The following KRT79 variants were observed in gnomAD, a reference collection of about 807,000 sequenced individuals.
KRT79 encodes the protein keratin, type II cytoskeletal 79.
In KRT79, 51 loss-of-function variants were observed where a neutral mutation model predicts 49.0. The ratio of observed to expected loss-of-function variants is 1.04; its 90% CI spans 0.83 to 1.31. The LOEUF (loss-of-function observed/expected upper bound fraction) is 1.31. KRT79 is among the 40% of genes most tolerant of loss of function. The pLI is 0.00. For synonymous variants in KRT79, 312 were observed against 286.6 expected, an observed-to-expected ratio of 1.09 and a Z score of -0.90; for missense variants, 728 against 688.0, an observed-to-expected ratio of 1.06 and a Z score of -0.65.
chr12:52,826,062 A>G (rs1940170910), intron 4 of KRT79, among the ~76,000 whole-genome samples: 1 of 151,900 alleles, frequency 6.6e-6, no homozygotes, highest in Non-Finnish European at 1.5e-5. Context: ...CACCGAGATG[A>G]ACTGTCAGCA....
rs148263729 is a variant in KRT79, at chr12:52,821,952, C to T, written c.1528G>A (p.Val510Ile). The change falls in exon 9 of 9, where the codon GTC becomes ATC. Residue 510 changes from valine (V) to isoleucine (I), a missense_variant. Coordinates refer to ENST00000330553, the MANE Select transcript of KRT79 (RefSeq NM_175834.3). ...CCCGCAGAGACTGGCCCTCCCTTGA[C>T]GGTGCTATAGCCCACATTTGTGCTG... ...GFSTNVGYSTVKGGPVSAGTS... is the reference protein window; with the variant it reads ...GFSTNVGYSTIKGGPVSAGTS... 2.0e-4 allele frequency: 318 copies of T among 1,614,168 alleles called. No individual in the cohort carries two copies. The highest frequency in any genetic ancestry group is 2.5e-4 in the Non-Finnish European group (290 of 1,180,020).
At chr12:52,824,960 C>T (rs1206431240) in intron 4 of KRT79, among the ~76,000 whole-genome samples, 1 of 152,242 alleles carries the variant, frequency 6.6e-6, no homozygotes, top group Admixed American at 6.5e-5. Flanking sequence ...CTCTAGAGCA[C>T]ACTGAAAAGT....
intron 2 of KRT79, chr12:52,830,599 C>A: frequency 2.9e-6 from 1 of 349,984 alleles, no homozygotes. Context: ...GATGTGTCAA[C>A]AGTGGCTGAC....
At position 52,822,039 on chromosome 12, in the gene KRT79, C is replaced by A. The variant is rs199955846; in HGVS notation, c.1441G>T (p.Ala481Ser). 14 of 1,613,938 alleles carry A rather than the reference C, an allele frequency of 8.7e-6. No homozygotes were observed. The highest frequency in any genetic ancestry group is 1.0e-5 in the Non-Finnish European group (12 of 1,180,058). Residue 481 changes from alanine (A) to serine (S), a missense_variant, in exon 9 of 9, where the codon GCA becomes TCA. Transcript: ENST00000330553. ...GAGATGCCACCTCCAAAGCTGGCTG[C>A]GCCACCTCCGCACACAGTGGTGGAG... ...GNSTTVCGGG[A>S]ASFGGGISLG...
chr12:52,822,887 C>T, intron 7 of KRT79, 129 bp downstream of exon 7: 1 of 852,966 alleles, frequency 1.2e-6, no homozygotes, highest in East Asian at 2.7e-5. Context: ...GCAGATTTTC[C>T]CCCCGCGTGA....
chr12:52,823,402 TCAAGTAAGG>T (rs1940128644), intron 6 of KRT79, among the ~76,000 whole-genome samples, 166 bp from the exon 7 acceptor site: 1 of 152,150 alleles, frequency 6.6e-6, no homozygotes, highest in Admixed American at 6.5e-5. Flanking sequence ...ACAAGCAGGA[TCAAGTAAGG>T]CCACTGGGAA....
chr12:52,822,818 T>TA (rs1940113741), intron 7 of KRT79, among the ~76,000 whole-genome samples, 198 bp downstream of exon 7: 1 of 152,026 alleles, frequency 6.6e-6, no homozygotes, highest in Non-Finnish European at 1.5e-5. Context: ...TCAGCCACAG[T>TA]AAAGATTAAC....
At chr12:52,822,884 T>A in intron 7 of KRT79, 132 bp downstream of exon 7, 1 of 829,862 alleles carries the variant, frequency 1.2e-6, no homozygotes, top group Non-Finnish European at 1.8e-6. Flanking sequence ...CAAGCAGATT[T>A]TCCCCCCGCG....
rs758675525 is a variant in KRT79, at chr12:52,834,276, G to A, written c.-16C>T. On this transcript the variant is annotated 5_prime_UTR_variant, in exon 1 of 9. Transcript: ENST00000330553. ...AGGACCTCATAGCTGCAGAGGGGCC[G>A]GAGGGCAGGATGAGAGGGCAGGAAG... 4.1e-5 allele frequency: 66 copies of A among 1,598,982 alleles called. No individual in the cohort carries two copies. Among genetic ancestry groups the A allele is most frequent in the Middle Eastern group, 4.0e-4 (2 of 5,014 alleles).
chr12:52,825,418 G>T (rs1940163137), intron 4 of KRT79, among the ~76,000 whole-genome samples: 1 of 152,200 alleles, frequency 6.6e-6, no homozygotes, highest in Admixed American at 6.5e-5. Flanking sequence ...TTCAGGCTCT[G>T]TGTTAGGCAT....
Position 52,821,763 on chromosome 12 carries a change from C to G in KRT79, c.*109G>C. Reference sequence around the variant, plus strand: ...AGTCTGGTATGAAAATACCCTGGGTCTGAGGTCCCCTGGCTGTTCCTGCTC... The same window carrying G: ...AGTCTGGTATGAAAATACCCTGGGTGTGAGGTCCCCTGGCTGTTCCTGCTC... On this transcript the variant is annotated 3_prime_UTR_variant, in exon 9 of 9. Transcript: ENST00000330553. 1.1e-6 allele frequency: 1 copy of G among 946,944 alleles called. No homozygotes were observed. The highest frequency in any genetic ancestry group is 1.6e-6 in the Non-Finnish European group (1 of 616,328). 58.7% of individuals were successfully genotyped at this position (946,944 alleles called of 1,614,324 possible).
chr12:52,824,348 C>T lies in KRT79; in HGVS notation c.870G>A (p.Val290=), dbSNP rs144336416. 1.2e-6 allele frequency: 2 copies of T among 1,613,902 alleles called. No homozygotes were observed. Among genetic ancestry groups the T allele is most frequent in the Non-Finnish European group, 1.7e-6 (2 of 1,179,902 alleles). The change falls in exon 5 of 9, where the codon GTG becomes GTA. Residue 290 remains valine, a synonymous_variant. Coordinates refer to ENST00000330553, the MANE Select transcript of KRT79 (RefSeq NM_175834.3). Reference sequence around the variant, plus strand: ...CATTGGTGTTAGACACGTGGGTCTGCACTTGGCTCAGCTCCTGAAGAATCA... The same window carrying T: ...CATTGGTGTTAGACACGTGGGTCTGTACTTGGCTCAGCTCCTGAAGAATCA... ...QQLYEMELSQ[V]QTHVSNTNVV...
intron 1 of KRT79, among the ~76,000 whole-genome samples, chr12:52,833,018 G>A (rs1940276699): frequency 6.6e-6 from 1 of 152,180 alleles, no homozygotes; most frequent in South Asian, 2.1e-4. Context: ...ATGACCCGCT[G>A]CCTTGGCTCA....
intron 4 of KRT79, among the ~76,000 whole-genome samples, chr12:52,824,638 C>T (rs1316575744): frequency 6.6e-6 from 1 of 152,230 alleles, no homozygotes; most frequent in African/African-American, 2.4e-5. Flanking sequence ...TCTGCACTAA[C>T]ACTGGTGCCC....
At chr12:52,826,685 T>G (rs534868224) in intron 4 of KRT79, among the ~76,000 whole-genome samples, 3 of 151,762 alleles carry the variant, frequency 2.0e-5, no homozygotes, top group African/African-American at 4.8e-5. Context: ...CGGGCAGAAG[T>G]GGCACAAGCG....
rs1203900780 is a variant in KRT79, at chr12:52,823,132, C to T, written c.1251G>A (p.Gln417=). 1 of 1,614,104 alleles carries T rather than the reference C, an allele frequency of 6.2e-7. No homozygotes were observed. The highest frequency in any genetic ancestry group is 1.1e-5 in the South Asian group (1 of 91,090). The change falls in exon 7 of 9, where the codon CAG becomes CAA. Residue 417 remains glutamine, a synonymous_variant. Coordinates refer to ENST00000330553, the MANE Select transcript of KRT79 (RefSeq NM_175834.3). The stretch of plus-strand genomic sequence containing the variant: ...GCAGCCGTGTCAGGTCCTCCTTGGC[C>T]TGGTGCAGGGCCACATCCAGATCCC... ...KLGDLDVALH[Q]AKEDLTRLLR...
In KRT79 at chr12:52,834,307, G is replaced by A. The variant is rs748818289; in HGVS notation, c.-47C>T. 24 of 1,465,038 alleles carry A rather than the reference G, an allele frequency of 1.6e-5. No homozygotes were observed. The highest frequency in any genetic ancestry group is 9.5e-6 in the Non-Finnish European group (10 of 1,047,536). 90.8% of individuals were successfully genotyped at this position (1,465,038 alleles called of 1,614,324 possible). ...CAGGATGAGAGGGCAGGAAGGGAGT[G>A]CCGTGAGCTGCTGGGCCACTGTGGG... On this transcript the variant is annotated 5_prime_UTR_variant, in exon 1 of 9. Transcript: ENST00000330553.
In KRT79 at chr12:52,824,135, C is replaced by G. The variant is rs1248088847; in HGVS notation, c.1020+63G>C. ...CTCCAAGGGTCCCAGAGGCCCAAGC[C>G]TCTCACGATGGGAGATCTGATCCGA... On this transcript the variant is annotated intron_variant, in intron 5 of 8. Transcript: ENST00000330553. 3.1e-6 allele frequency: 5 copies of G among 1,613,006 alleles called. No homozygotes were observed. The East Asian group carries it at 1.1e-4, about 36-fold the overall frequency.
chr12:52,829,319 A>T (rs1044470509), intron 4 of KRT79, among the ~76,000 whole-genome samples: 1 of 152,076 alleles, frequency 6.6e-6, no homozygotes, highest in Non-Finnish European at 1.5e-5. Flanking sequence ...CTCTCTGCCC[A>T]TTCCTGCTCC....
Sources: gnomAD v4.1 joint callset for allele counts (sites outside exome capture counted in the v4.1 genomes callset) on GRCh38, gnomAD v4.1.1 for gene constraint, MANE v1.5 for transcripts, NCBI Gene and HGNC (gene_info 2026-07-23, HGNC 2026-07-21) for gene names.